Variants in GALNT17 observed in about 807,000 individuals in gnomAD.
GALNT17 encodes the protein polypeptide N-acetylgalactosaminyltransferase 17.
Under a neutral mutation model 63.7 loss-of-function variants are expected in GALNT17, and 29 were observed. The ratio of observed to expected loss-of-function variants is 0.46; its 90% confidence interval spans 0.34 to 0.62. The LOEUF is 0.62. Among genes scored for constraint, GALNT17 ranks in the 20% least tolerant of loss-of-function variants. GALNT17 has a pLI of 0.01. For missense variants in GALNT17, 603 were observed against 799.6 expected (o/e 0.75, Z 2.97); for synonymous variants, 305 against 318.3 (o/e 0.96, Z 0.45).
chr7:71,555,279 T>C (rs1394605462), intron 5 of GALNT17, among the ~76,000 whole-genome samples: 1 of 151,642 alleles, frequency 6.6e-6, no homozygotes, highest in Non-Finnish European at 1.5e-5. Flanking sequence ...TTTGGGGCAC[T>C]GGAACTTTCC....
chr7:71,700,092 G>GACCA (rs1791608440), intron 9 of GALNT17, among the ~76,000 whole-genome samples: 2 of 151,854 alleles, frequency 1.3e-5, no homozygotes, highest in South Asian at 4.2e-4. Flanking sequence ...AGGAGTTCAA[G>GACCA]ACCAGCCTGG....
intron 6 of GALNT17, among the ~76,000 whole-genome samples, chr7:71,578,236 A>G (rs916283698): frequency 2.0e-5 from 3 of 151,894 alleles, no homozygotes. Context: ...GGGTTTCACC[A>G]TGTTGGTCAG....
In GALNT17 at chr7:71,225,887, A is replaced by C. The variant is rs551338322; in HGVS notation, c.238+92847A>C. On this transcript the variant is annotated intron_variant, in intron 1 of 10. Transcript: ENST00000333538. ...ATATTTTTGACATGAAATTATGCTTATGGTACACTATTAGGTTAAAAAAAG... is the reference window on the plus strand; with the variant it reads ...ATATTTTTGACATGAAATTATGCTTCTGGTACACTATTAGGTTAAAAAAAG... Among the ~76,000 whole-genome samples, 3 of 152,344 alleles carry C rather than the reference A, an allele frequency of 2.0e-5. 1 individual carries two copies. Among genetic ancestry groups the C allele is most frequent in the African/African-American group, 7.2e-5 (3 of 41,582 alleles).
chr7:71,261,737 G>A (rs564230714), intron 1 of GALNT17, among the ~76,000 whole-genome samples: 2 of 152,334 alleles, frequency 1.3e-5, no homozygotes, highest in Admixed American at 1.3e-4. Context: ...AAGGAACACT[G>A]GCTGGGCATT....
intron 1 of GALNT17, among the ~76,000 whole-genome samples, chr7:71,220,749 T>C (rs1789568274): frequency 6.6e-6 from 1 of 152,052 alleles, no homozygotes; most frequent in African/African-American, 2.4e-5. Context: ...GGGAAGACCA[T>C]GTGAAGACAC....
At chr7:71,235,951 G>C (rs1484897593) in intron 1 of GALNT17, among the ~76,000 whole-genome samples, 1 of 152,170 alleles carries the variant, frequency 6.6e-6, no homozygotes, top group Admixed American at 6.5e-5. Context: ...ATGCTGAGGC[G>C]GGTGGATCAC....
At chr7:71,171,449 T>C (rs1788545520) in intron 1 of GALNT17, among the ~76,000 whole-genome samples, 1 of 152,212 alleles carries the variant, frequency 6.6e-6, no homozygotes, top group African/African-American at 2.4e-5. Flanking sequence ...TGCAGTCAGC[T>C]ATGATTGCAC....
intron 2 of GALNT17, among the ~76,000 whole-genome samples, chr7:71,362,922 C>G (rs369929113): frequency 6.6e-6 from 1 of 152,080 alleles, no homozygotes; most frequent in South Asian, 2.1e-4. Context: ...ATACAGGACC[C>G]CTGAACATGT....
intron 5 of GALNT17, among the ~76,000 whole-genome samples, chr7:71,525,262 G>A (rs1299231372): frequency 3.9e-5 from 6 of 152,028 alleles, no homozygotes; most frequent in Admixed American, 6.6e-5. Flanking sequence ...TGCAACCTCC[G>A]CCTCCCGGGT....
intron 5 of GALNT17, among the ~76,000 whole-genome samples, chr7:71,562,971 G>A (rs1789279993): frequency 1.3e-5 from 2 of 152,166 alleles, no homozygotes; most frequent in Admixed American, 1.3e-4. Context: ...AAAACACAAT[G>A]AGCTCAAGAA....
rs79987171 is a variant in GALNT17, at chr7:71,628,097, A to G, written c.1081-37314A>G. Reference sequence around the variant, plus strand: ...GGAAAAAAGTCTAAAAATGCCTCATAGAGAGGTGATAATGAAAAAAAAAGG... The same window carrying G: ...GGAAAAAAGTCTAAAAATGCCTCATGGAGAGGTGATAATGAAAAAAAAAGG... On this transcript the variant is annotated intron_variant, in intron 6 of 10. Transcript: ENST00000333538. Among the ~76,000 whole-genome samples the G allele has an allele frequency of 9.7e-3, 1,413 of 145,670 alleles. 25 individuals carry two copies. Among genetic ancestry groups the G allele is most frequent in the African/African-American group, 0.032 (1,260 of 39,920 alleles).
chr7:71,338,250 C>G (rs1013283322), intron 2 of GALNT17, among the ~76,000 whole-genome samples: 1 of 151,888 alleles, frequency 6.6e-6, no homozygotes, highest in Admixed American at 6.6e-5. Flanking sequence ...TGGCGTGAAC[C>G]CGGGAGGCGG....
chr7:71,223,763 T>C (rs1789630711), intron 1 of GALNT17, among the ~76,000 whole-genome samples: 1 of 152,032 alleles, frequency 6.6e-6, no homozygotes, highest in Non-Finnish European at 1.5e-5. Context: ...CTCTTTGTGT[T>C]GATGTGTTCT....
intron 5 of GALNT17, among the ~76,000 whole-genome samples, chr7:71,493,667 C>A (rs913808993): frequency 6.6e-6 from 1 of 152,132 alleles, no homozygotes; most frequent in Non-Finnish European, 1.5e-5. Context: ...GGGATGGTCC[C>A]TCCCACAACA....
chr7:71,521,071 C>A (rs1005168506), intron 5 of GALNT17, among the ~76,000 whole-genome samples: 6 of 152,136 alleles, frequency 3.9e-5, no homozygotes. Flanking sequence ...GTCCTGGGAG[C>A]CACAGAAAAT....
chr7:71,671,789 G>T (rs1791073361), intron 8 of GALNT17, among the ~76,000 whole-genome samples: 1 of 152,156 alleles, frequency 6.6e-6, no homozygotes, highest in Non-Finnish European at 1.5e-5. Flanking sequence ...ACTTTGGGAG[G>T]CCAAGGCGGG....
intron 2 of GALNT17, among the ~76,000 whole-genome samples, chr7:71,347,747 C>G (rs1259754991): frequency 6.6e-6 from 1 of 152,086 alleles, no homozygotes; most frequent in African/African-American, 2.4e-5. Flanking sequence ...GAGGGGGCAG[C>G]TGTGGATTCC....
intron 5 of GALNT17, among the ~76,000 whole-genome samples, chr7:71,457,660 G>C (rs1787378698): frequency 6.6e-6 from 1 of 152,176 alleles, no homozygotes; most frequent in Non-Finnish European, 1.5e-5. Context: ...GTAAACTGCA[G>C]TGGTGCTGGT....
At chr7:71,631,217 G>A (rs1450850082) in intron 6 of GALNT17, among the ~76,000 whole-genome samples, 3 of 149,602 alleles carry the variant, frequency 2.0e-5, no homozygotes, top group Non-Finnish European at 4.4e-5. Context: ...TTTTTCTTGA[G>A]ACAATTGCCC....
Sources: allele counts gnomAD v4.1 joint callset (sites outside exome capture counted in the v4.1 genomes callset), GRCh38; gene constraint gnomAD v4.1.1; transcripts MANE v1.5; gene names NCBI Gene and HGNC (gene_info 2026-07-23, HGNC 2026-07-21).